Variants in LARGE1 observed in about 807,000 individuals in gnomAD.
The protein encoded by LARGE1 is LARGE xylosyl- and glucuronyltransferase 1, also known as xylosyl- and glucuronyltransferase LARGE1.
LARGE1 carries 43 observed loss-of-function variants against 87.6 expected under a neutral mutation model. The observed-to-expected ratio is 0.49, with a 90% CI of 0.38 to 0.63. The LOEUF (loss-of-function observed/expected upper bound fraction) is 0.63, where lower values mean the gene tolerates loss of function less well. Among genes scored for constraint, LARGE1 ranks in the 30% least tolerant of loss-of-function variants. The pLI is 0.00. For missense variants in LARGE1, 802 were observed against 1,000.2 expected, an observed-to-expected ratio of 0.80 and a Z score of 2.67; for synonymous variants, 434 against 394.6, an observed-to-expected ratio of 1.10 and a Z score of -1.18.
At chr22:33,084,627 T>C in the LARGE1 span, among the ~76,000 whole-genome samples, 2 of 152,072 alleles carry the variant, frequency 1.3e-5, no homozygotes, top group Non-Finnish European at 2.9e-5. Context: ...TGCACTTCAG[T>C]CTGGGCAACA....
chr22:33,691,128 A>G (rs1569375212), intron 2 of LARGE1, among the ~76,000 whole-genome samples: 1 of 152,120 alleles, frequency 6.6e-6, no homozygotes, highest in Non-Finnish European at 1.5e-5. Flanking sequence ...TTTGCTATGG[A>G]TGTCATTGAA....
intron 3 of LARGE1, among the ~76,000 whole-genome samples, chr22:33,631,724 T>A (rs778225175): frequency 6.6e-6 from 1 of 152,252 alleles, no homozygotes; most frequent in African/African-American, 2.4e-5. Context: ...ATAATGATAG[T>A]ATGATAAATA....
At chr22:33,536,655 G>A (rs1282125526) in intron 6 of LARGE1, among the ~76,000 whole-genome samples, 1 of 152,204 alleles carries the variant, frequency 6.6e-6, no homozygotes, top group Non-Finnish European at 1.5e-5. Context: ...TAAGGCCCAT[G>A]TTTCAGGACA....
chr22:33,691,832 G>C (rs1162182416), intron 2 of LARGE1, among the ~76,000 whole-genome samples: 1 of 152,134 alleles, frequency 6.6e-6, no homozygotes, highest in African/African-American at 2.4e-5. Flanking sequence ...GTGGACTCTC[G>C]TCTTCTCTAG....
At chr22:33,641,063 C>T (rs1313409271) in intron 3 of LARGE1, among the ~76,000 whole-genome samples, 3 of 152,006 alleles carry the variant, frequency 2.0e-5, no homozygotes, top group African/African-American at 4.8e-5. Context: ...CACTCAAGCT[C>T]TGCTAAGGGA....
At chr22:33,840,914 C>T (rs1201048175) in intron 1 of LARGE1, among the ~76,000 whole-genome samples, 1 of 152,234 alleles carries the variant, frequency 6.6e-6, no homozygotes, top group African/African-American at 2.4e-5. Context: ...TGAGCCACTG[C>T]ACCTGGATGA....
intron 1 of LARGE1, among the ~76,000 whole-genome samples, chr22:33,887,529 G>A (rs1324428941): frequency 6.6e-6 from 1 of 152,166 alleles, no homozygotes; most frequent in Non-Finnish European, 1.5e-5. Flanking sequence ...CTGAGGTCAG[G>A]AGTTCGAGAT....
the LARGE1 span, among the ~76,000 whole-genome samples, chr22:33,122,287 G>T: frequency 6.6e-6 from 1 of 151,418 alleles, no homozygotes; most frequent in South Asian, 2.1e-4. Context: ...TATGGCCTTG[G>T]TTACGAGTAG....
chr22:33,445,626 C>A (rs929119520), intron 6 of LARGE1, among the ~76,000 whole-genome samples: 1 of 151,492 alleles, frequency 6.6e-6, no homozygotes, highest in Admixed American at 6.6e-5. Context: ...AGGGGCAACA[C>A]CTTTTGTTCT....
At chr22:33,857,670 T>C (rs947319258) in intron 1 of LARGE1, among the ~76,000 whole-genome samples, 3 of 152,182 alleles carry the variant, frequency 2.0e-5, no homozygotes, top group African/African-American at 7.2e-5. Flanking sequence ...ATAAACCATA[T>C]TACTGCACAC....
the LARGE1 span, among the ~76,000 whole-genome samples, chr22:33,121,336 G>A: frequency 6.6e-6 from 1 of 152,174 alleles, no homozygotes; most frequent in Non-Finnish European, 1.5e-5. Flanking sequence ...GATGTCCTTT[G>A]TTTTTAGTCA....
chr22:33,304,808 C>G (rs1934651615), intron 11 of LARGE1, among the ~76,000 whole-genome samples: 1 of 152,152 alleles, frequency 6.6e-6, no homozygotes, highest in Non-Finnish European at 1.5e-5. Context: ...ATTTGAAGAT[C>G]CCCTTCCAGC....
At chr22:33,172,627 C>T (rs1028144032) in intron 11 of LARGE1, among the ~76,000 whole-genome samples, 3 of 152,072 alleles carry the variant, frequency 2.0e-5, no homozygotes, top group African/African-American at 7.2e-5. Flanking sequence ...TCTAATTACT[C>T]TAGTATATTT....
chr22:33,352,376 G>A (rs9607033), intron 9 of LARGE1, among the ~76,000 whole-genome samples: 41,306 of 152,062 alleles, frequency 0.27, 5,758 homozygotes, highest in East Asian at 0.43. Context: ...TGGAAACATT[G>A]AGTGAAATAC....
intron 3 of LARGE1, among the ~76,000 whole-genome samples, chr22:33,629,247 C>A (rs1360955266): frequency 2.0e-5 from 3 of 152,106 alleles, no homozygotes; most frequent in Non-Finnish European, 4.4e-5. Context: ...GAAGACATAA[C>A]TGGGAAGGGG....
At chr22:33,203,008 A>T (rs1175463461) in intron 11 of LARGE1, among the ~76,000 whole-genome samples, 9 of 152,152 alleles carry the variant, frequency 5.9e-5, no homozygotes, top group Non-Finnish European at 1.3e-4. Flanking sequence ...AATAAAATTT[A>T]AAAAACATAT....
intron 10 of LARGE1, among the ~76,000 whole-genome samples, chr22:33,319,163 T>C (rs1936471257): frequency 6.6e-6 from 1 of 152,230 alleles, no homozygotes; most frequent in African/African-American, 2.4e-5. Context: ...TTTATTTCTC[T>C]AGCCTTGAAT....
the LARGE1 span, among the ~76,000 whole-genome samples, chr22:33,134,226 T>C: frequency 2.0e-5 from 3 of 151,134 alleles, no homozygotes; most frequent in East Asian, 3.9e-4. Flanking sequence ...AGTCTACCCA[T>C]GTCATAGTCT....
chr22:33,435,810 C>G (rs1035934655), intron 6 of LARGE1, among the ~76,000 whole-genome samples: 12 of 152,158 alleles, frequency 7.9e-5, no homozygotes, highest in Admixed American at 2.6e-4. Flanking sequence ...ACCACTTAAC[C>G]CTCTCAGGCA....
Sources: allele counts gnomAD v4.1 joint callset (sites outside exome capture counted in the v4.1 genomes callset), GRCh38; gene constraint gnomAD v4.1.1; transcripts MANE v1.5; gene names NCBI Gene and HGNC (gene_info 2026-07-23, HGNC 2026-07-21).